The following CCDC102B variants were observed in gnomAD, a reference collection of about 807,000 sequenced individuals.
CCDC102B encodes the protein coiled-coil domain-containing protein 102B.
In CCDC102B, 75 loss-of-function variants were observed where a neutral mutation model predicts 57.4. The observed-to-expected ratio is 1.31, with a 90% confidence interval of 1.08 to 1.58. The LOEUF is 1.58. Among genes scored for constraint, CCDC102B ranks in the 40% most tolerant of loss-of-function variants. The probability of loss-of-function intolerance (pLI) is 0.00; values close to 1 mark genes in which losing one functional copy is unlikely to be tolerated. For missense variants in CCDC102B, 636 were observed against 582.6 expected (o/e 1.09, Z -0.94); for synonymous variants, 206 against 201.9 (o/e 1.02, Z -0.17).
At chr18:68,876,539 CAGT>C (rs1373277736) in intron 5 of CCDC102B, among the ~76,000 whole-genome samples, 1 of 152,130 alleles carries the variant, frequency 6.6e-6, no homozygotes, top group African/African-American at 2.4e-5. Flanking sequence ...GAGATTGTCA[CAGT>C]AGGTGTTGAT....
intron 1 of CCDC102B, among the ~76,000 whole-genome samples, chr18:68,832,502 T>A (rs2037188131): frequency 6.6e-6 from 1 of 152,148 alleles, no homozygotes; most frequent in Non-Finnish European, 1.5e-5. Context: ...GTTGTTGTTG[T>A]TGTGCTGTGT....
intron 2 of CCDC102B, among the ~76,000 whole-genome samples, chr18:68,762,214 T>C (rs1335453722): frequency 2.0e-5 from 3 of 152,108 alleles, no homozygotes; most frequent in Non-Finnish European, 4.4e-5. Flanking sequence ...TTTTGTGGTG[T>C]TGCTCAGCAA....
In CCDC102B at chr18:68,882,479, T is replaced by C. The variant is rs545814182; in HGVS notation, c.1053+7694T>C. 5.3e-5 allele frequency among the ~76,000 whole-genome samples: 8 copies of C among 152,344 alleles called. No homozygotes were observed. The South Asian group carries it at 6.2e-4, about 12-fold the overall frequency. On this transcript the variant is annotated intron_variant, in intron 5 of 7. Coordinates refer to ENST00000360242, the MANE Select transcript of CCDC102B (RefSeq NM_024781.3). ...AAAGGATTGATTAGTTCCTACACAA[T>C]CCATTGATTTATTTCTAGAATCTAG...
At chr18:68,866,856 C>G in intron 4 of CCDC102B, 1 of 686,656 alleles carries the variant, frequency 1.5e-6, no homozygotes, top group South Asian at 1.4e-5. Context: ...CAGCACTGAT[C>G]CACCACAGCT....
chr18:68,886,265 CA>C (rs2144976155), intron 5 of CCDC102B, among the ~76,000 whole-genome samples: 1 of 151,810 alleles, frequency 6.6e-6, no homozygotes, highest in African/African-American at 2.4e-5. Flanking sequence ...TGTAATAGGA[CA>C]AATAATACCA....
At chr18:68,811,375 C>T (rs1444492020) in intron 1 of CCDC102B, among the ~76,000 whole-genome samples, 1 of 152,128 alleles carries the variant, frequency 6.6e-6, no homozygotes, top group Non-Finnish European at 1.5e-5. Context: ...AATCTCAGCA[C>T]TTCGTGAGGT....
intron 2 of CCDC102B, among the ~76,000 whole-genome samples, chr18:68,760,481 TTAAA>T (rs993522390): frequency 4.6e-5 from 7 of 152,120 alleles, no homozygotes; most frequent in Admixed American, 3.3e-4. Context: ...TCATGAGTTA[TTAAA>T]TAAACACTTT....
chr18:68,741,389 T>C (rs893977709), intron 2 of CCDC102B, among the ~76,000 whole-genome samples: 1 of 152,142 alleles, frequency 6.6e-6, no homozygotes, highest in Non-Finnish European at 1.5e-5. Context: ...TTACATTTCC[T>C]CCTCACAAGA....
At chr18:68,957,512 A>G (rs1408885115) in intron 6 of CCDC102B, among the ~76,000 whole-genome samples, 1 of 145,272 alleles carries the variant, frequency 6.9e-6, no homozygotes, top group African/African-American at 2.5e-5. Flanking sequence ...TTTAGTTACT[A>G]TATCTCTGTA....
intron 2 of CCDC102B, among the ~76,000 whole-genome samples, chr18:68,733,504 ATATT>A (rs1216048158): frequency 0.01 from 869 of 82,924 alleles, 43 homozygotes; most frequent in African/African-American, 0.056. Context: ...ATATATATAT[ATATT>A]TTTTTAACTT....
chr18:68,783,598 A>C (rs1331050574), intron 2 of CCDC102B, among the ~76,000 whole-genome samples: 2 of 152,244 alleles, frequency 1.3e-5, no homozygotes, highest in East Asian at 3.9e-4. Context: ...GGGAAGACTG[A>C]CTTTTACCTT....
intron 6 of CCDC102B, among the ~76,000 whole-genome samples, chr18:68,944,433 A>T (rs1428978838): frequency 6.6e-6 from 1 of 150,608 alleles, no homozygotes; most frequent in Non-Finnish European, 1.5e-5. Flanking sequence ...TAAGTCCAAG[A>T]TCCAGTAGCT....
chr18:68,960,318 T>C (rs1429677413), intron 6 of CCDC102B, among the ~76,000 whole-genome samples: 2 of 151,814 alleles, frequency 1.3e-5, no homozygotes, highest in African/African-American at 4.9e-5. Flanking sequence ...TTGCCTGTCA[T>C]CCAGAAGGTA....
At chr18:69,045,913 T>C (rs1320985596) in intron 7 of CCDC102B, among the ~76,000 whole-genome samples, 1 of 152,098 alleles carries the variant, frequency 6.6e-6, no homozygotes, top group East Asian at 1.9e-4. Context: ...TAGCACAATC[T>C]ATGTTGCTGC....
At chr18:68,775,164 A>G (rs1386083918) in intron 2 of CCDC102B, among the ~76,000 whole-genome samples, 1 of 151,556 alleles carries the variant, frequency 6.6e-6, no homozygotes, top group Non-Finnish European at 1.5e-5. Context: ...TCTAATATTG[A>G]CAGATATTTG....
intron 1 of CCDC102B, among the ~76,000 whole-genome samples, chr18:68,816,960 T>C (rs575710832): frequency 6.6e-6 from 1 of 152,344 alleles, no homozygotes; most frequent in South Asian, 2.1e-4. Context: ...ACACAACATA[T>C]TCTTGTCTGC....
At chr18:68,806,113 G>T (rs1009301566) in intron 1 of CCDC102B, among the ~76,000 whole-genome samples, 1 of 152,074 alleles carries the variant, frequency 6.6e-6, no homozygotes, top group Non-Finnish European at 1.5e-5. Context: ...AAAATTATAT[G>T]TATTAATAAT....
chr18:68,837,506 G>T (rs776848246), intron 2 of CCDC102B, 137 bp downstream of exon 2: 28 of 797,906 alleles, frequency 3.5e-5, no homozygotes, highest in Non-Finnish European at 5.4e-5. Flanking sequence ...TAATCACAGT[G>T]GTTTAAGCAA....
intron 5 of CCDC102B, among the ~76,000 whole-genome samples, chr18:68,876,165 CA>C (rs1280953028): frequency 2.0e-5 from 3 of 151,894 alleles, no homozygotes; most frequent in Non-Finnish European, 2.9e-5. Flanking sequence ...TAGTTAACAG[CA>C]AAAAAGGAAG....
Sources: gnomAD v4.1 joint callset for allele counts (sites outside exome capture counted in the v4.1 genomes callset) on GRCh38, gnomAD v4.1.1 for gene constraint, MANE v1.5 for transcripts, NCBI Gene and HGNC (gene_info 2026-07-23, HGNC 2026-07-21) for gene names.